NXPE2: variants seen among roughly 807,000 people sequenced by gnomAD.
NXPE2 encodes the protein NXPE family member 2.
A neutral mutation model predicts 34.4 loss-of-function variants in NXPE2; 34 were observed. That is an observed-to-expected ratio of 0.99 (90% confidence interval 0.75 to 1.31). NXPE2 has a LOEUF of 1.31. Among genes scored for constraint, NXPE2 ranks in the 40% most tolerant of loss-of-function variants. NXPE2 has a pLI of 0.00. For missense variants in NXPE2, 649 were observed against 672.5 expected, an observed-to-expected ratio of 0.97 and a Z score of 0.39; for synonymous variants, 235 against 231.3, an observed-to-expected ratio of 1.02 and a Z score of -0.15.
At chr11:114,571,059 T>A in the NXPE2 span, 1 of 1,613,962 alleles carries the variant, frequency 6.2e-7, no homozygotes, top group Non-Finnish European at 8.5e-7. Context: ...CACACTGAGA[T>A]CCTGGAAAAT....
At chr11:114,756,829 T>C in the NXPE2 span, among the ~76,000 whole-genome samples, 2 of 152,182 alleles carry the variant, frequency 1.3e-5, no homozygotes, top group Non-Finnish European at 2.9e-5. Flanking sequence ...GCCAACAATG[T>C]CAGTTTCAAA....
At chr11:114,506,785 G>C in the NXPE2 span, among the ~76,000 whole-genome samples, 2 of 152,148 alleles carry the variant, frequency 1.3e-5, no homozygotes, top group East Asian at 3.9e-4. Context: ...AAGTTAGATA[G>C]GTCTCAAATT....
the NXPE2 span, among the ~76,000 whole-genome samples, chr11:114,712,194 C>G: frequency 6.6e-6 from 1 of 152,064 alleles, no homozygotes; most frequent in Non-Finnish European, 1.5e-5. Flanking sequence ...AACTATTAAA[C>G]TTCTAGAAGA....
the NXPE2 span, among the ~76,000 whole-genome samples, chr11:114,526,857 C>A: frequency 6.6e-6 from 1 of 152,182 alleles, no homozygotes; most frequent in East Asian, 1.9e-4. Context: ...AGAAATTACT[C>A]ATATTCATTT....
At chr11:114,803,633 G>T in the NXPE2 span, among the ~76,000 whole-genome samples, 24 of 151,016 alleles carry the variant, frequency 1.6e-4, no homozygotes, top group Middle Eastern at 0.01. Flanking sequence ...CTGGAGCACA[G>T]TGGCACAATC....
rs765869427 is a variant in NXPE2 at position 114,706,726 on chromosome 11, CAG to C, written c.1482_1483del (p.Glu494AspfsTer10). 1 of 1,552,200 alleles carries C rather than the reference CAG, an allele frequency of 6.4e-7. No homozygotes were observed. The highest frequency in any genetic ancestry group is 2.0e-5 in the Admixed American group (1 of 50,994). On this transcript the variant is annotated frameshift_variant, in exon 6 of 6. Transcript: ENST00000389586. LOFTEE classifies it low-confidence loss of function (END_TRUNC). ...AGGTGATACTTAAAACTGAAAACAC[CAG>C]AGAGATAGAACAAAATGCAGAGATG... ...TKVILKTENT[R>X]EIEQNAEMFS...
At chr11:114,728,536 G>A in the NXPE2 span, among the ~76,000 whole-genome samples, 1 of 152,042 alleles carries the variant, frequency 6.6e-6, no homozygotes, top group Non-Finnish European at 1.5e-5. Flanking sequence ...AAACACATCA[G>A]TTAAACTGTT....
chr11:114,527,924 TA>T, the NXPE2 span: 3 of 1,566,152 alleles, frequency 1.9e-6, no homozygotes, highest in Non-Finnish European at 2.6e-6. Context: ...AATAGAACAA[TA>T]AATTAGCCTG....
At chr11:114,681,807 C>T (rs552672220) in intron 2 of NXPE2, among the ~76,000 whole-genome samples, 1 of 152,200 alleles carries the variant, frequency 6.6e-6, no homozygotes, top group South Asian at 2.1e-4. Context: ...TTTGACAATG[C>T]TTCCTGTATA....
chr11:114,679,600 G>C, intron 1 of NXPE2, 57 bp from the exon 2 acceptor site: 1 of 1,088,958 alleles, frequency 9.2e-7, no homozygotes, highest in Non-Finnish European at 1.4e-6. Context: ...AAAGTGTACG[G>C]AGCCATGTCG....
chr11:114,601,747 T>C, the NXPE2 span, among the ~76,000 whole-genome samples: 2 of 71,538 alleles, frequency 2.8e-5, no homozygotes, highest in African/African-American at 6.0e-5. Flanking sequence ...ATAATTATAA[T>C]ATATAATATA....
At chr11:114,799,291 CAAAAAA>C in the NXPE2 span, among the ~76,000 whole-genome samples, 62 of 94,310 alleles carry the variant, frequency 6.6e-4, 1 homozygote, top group Admixed American at 5.3e-3. Flanking sequence ...GGCAATGAAG[CAAAAAA>C]AAAAAAAAAA....
At chr11:114,606,131 T>C in the NXPE2 span, among the ~76,000 whole-genome samples, 2 of 147,922 alleles carry the variant, frequency 1.4e-5, no homozygotes, top group African/African-American at 2.5e-5. Context: ...ATAAGTATTG[T>C]CTCTAGGGTA....
At chr11:114,522,087 G>C in the NXPE2 span, 6 of 1,613,912 alleles carry the variant, frequency 3.7e-6, no homozygotes, top group Admixed American at 6.7e-5. Flanking sequence ...CCCACGTTGA[G>C]GTCTTTGAAA....
At chr11:114,506,112 T>TA in the NXPE2 span, among the ~76,000 whole-genome samples, 1,685 of 134,390 alleles carry the variant, frequency 0.013, 15 homozygotes, top group Non-Finnish European at 0.016. Flanking sequence ...CAAGAAATAT[T>TA]AAAAAAAAAA....
At chr11:114,709,265 T>A (rs906302775), downstream of NXPE2, among the ~76,000 whole-genome samples, 55 of 152,370 alleles carry the variant, frequency 3.6e-4, no homozygotes, top group African/African-American at 1.1e-3. Context: ...TATTTTTTAA[T>A]GTTTTGTCAT....
the NXPE2 span, among the ~76,000 whole-genome samples, chr11:114,627,045 T>G: frequency 1.1e-3 from 169 of 151,998 alleles, no homozygotes; most frequent in African/African-American, 2.0e-3. Context: ...ACATCTCATT[T>G]GTGTACCTGA....
At chr11:114,673,534 A>C (rs940638670), upstream of NXPE2, among the ~76,000 whole-genome samples, 3 of 151,818 alleles carry the variant, frequency 2.0e-5, no homozygotes, top group African/African-American at 7.2e-5. Context: ...AAACCAAAAA[A>C]AAGTCCTTTC....
At chr11:114,603,690 T>C in the NXPE2 span, among the ~76,000 whole-genome samples, 1 of 151,646 alleles carries the variant, frequency 6.6e-6, no homozygotes, top group Non-Finnish European at 1.5e-5. Context: ...TCCTATTACC[T>C]GGGGGATGAT....
Sources: allele counts gnomAD v4.1 joint callset (sites outside exome capture counted in the v4.1 genomes callset), GRCh38; gene constraint gnomAD v4.1.1; transcripts MANE v1.5; gene names NCBI Gene and HGNC (gene_info 2026-07-23, HGNC 2026-07-21).